Variants in TRPM3 observed in about 807,000 individuals in gnomAD.
TRPM3 encodes transient receptor potential cation channel subfamily M member 3.
A neutral mutation model predicts 181.2 loss-of-function variants in TRPM3; 77 were observed. That is an observed-to-expected ratio of 0.42 (90% CI 0.35 to 0.51). The LOEUF is 0.51. Among genes scored for constraint, TRPM3 ranks in the 20% least tolerant of loss-of-function variants. The pLI is 0.01. For missense variants in TRPM3, 1,759 were observed against 2,196.7 expected (o/e 0.80, Z 3.98); for synonymous variants, 745 against 796.4 (o/e 0.94, Z 1.09).
At chr9:70,617,293 T>C (rs1589366709) in intron 17 of TRPM3, among the ~76,000 whole-genome samples, 1 of 151,974 alleles carries the variant, frequency 6.6e-6, no homozygotes, top group East Asian at 1.9e-4. Flanking sequence ...GGCTATGGAG[T>C]GCCCATGACC....
intron 1 of TRPM3, among the ~76,000 whole-genome samples, chr9:71,321,077 C>T (rs929589397): frequency 1.3e-5 from 2 of 152,090 alleles, no homozygotes; most frequent in African/African-American, 4.8e-5. Context: ...CCATCATGGA[C>T]AATTTAAGCA....
chr9:71,347,938 T>C (rs2091387893), intron 1 of TRPM3, among the ~76,000 whole-genome samples: 1 of 152,164 alleles, frequency 6.6e-6, no homozygotes, highest in Admixed American at 6.5e-5. Context: ...TAGGGCTGAT[T>C]GATTTGCACT....
chr9:71,102,770 G>A (rs564992364), intron 1 of TRPM3, among the ~76,000 whole-genome samples: 1 of 152,070 alleles, frequency 6.6e-6, no homozygotes, highest in East Asian at 1.9e-4. Flanking sequence ...AAAGCAATAT[G>A]ATTAATTATT....
chr9:70,616,683 A>C (rs960076982), intron 17 of TRPM3, among the ~76,000 whole-genome samples: 3 of 152,060 alleles, frequency 2.0e-5, no homozygotes, highest in Non-Finnish European at 4.4e-5. Flanking sequence ...AACAGCAGAA[A>C]CACAAACACA....
intron 18 of TRPM3, among the ~76,000 whole-genome samples, chr9:70,614,026 G>C (rs563130616): frequency 6.6e-6 from 1 of 152,096 alleles, no homozygotes; most frequent in Non-Finnish European, 1.5e-5. Context: ...GGACCAAATC[G>C]GCTGAGTGGC....
intron 6 of TRPM3, among the ~76,000 whole-genome samples, chr9:70,810,617 A>T (rs1588675415): frequency 2.6e-5 from 4 of 152,246 alleles, no homozygotes; most frequent in Admixed American, 2.6e-4. Flanking sequence ...GTGCTCAAAT[A>T]GTTGCTGAAT....
intron 1 of TRPM3, among the ~76,000 whole-genome samples, chr9:71,018,111 A>G (rs1271004703): frequency 6.6e-6 from 1 of 151,898 alleles, no homozygotes; most frequent in Non-Finnish European, 1.5e-5. Flanking sequence ...TGGAAGTTAA[A>G]AAGTGTTTCA....
intron 3 of TRPM3, among the ~76,000 whole-genome samples, chr9:70,852,819 T>TA (rs1189650725): frequency 1.3e-5 from 2 of 152,206 alleles, no homozygotes; most frequent in African/African-American, 2.4e-5. Context: ...AAGTCCTAGA[T>TA]AATGCAATCT....
chr9:71,146,646 T>G (rs2075423132), intron 1 of TRPM3, among the ~76,000 whole-genome samples: 1 of 152,184 alleles, frequency 6.6e-6, no homozygotes, highest in Non-Finnish European at 1.5e-5. Flanking sequence ...ACAACCATTC[T>G]GTCAGGTTGG....
At chr9:70,793,939 T>G (rs999692367) in intron 6 of TRPM3, among the ~76,000 whole-genome samples, 7 of 152,184 alleles carry the variant, frequency 4.6e-5, no homozygotes, top group African/African-American at 1.7e-4. Flanking sequence ...TGGGTACATT[T>G]AAGTAAGCTA....
At chr9:71,269,151 G>C (rs1295536102) in intron 1 of TRPM3, among the ~76,000 whole-genome samples, 2 of 152,148 alleles carry the variant, frequency 1.3e-5, no homozygotes, top group Non-Finnish European at 2.9e-5. Context: ...ACAATGTTTA[G>C]TACAATCATT....
chr9:71,240,274 G>A (rs2081587721), intron 1 of TRPM3, among the ~76,000 whole-genome samples: 1 of 152,082 alleles, frequency 6.6e-6, no homozygotes, highest in Admixed American at 6.5e-5. Context: ...TTGATTGTTA[G>A]GGAAATGTTA....
intron 1 of TRPM3, among the ~76,000 whole-genome samples, chr9:71,233,589 G>C (rs2081195458): frequency 6.6e-6 from 1 of 152,108 alleles, no homozygotes; most frequent in African/African-American, 2.4e-5. Flanking sequence ...GATGACTTTA[G>C]AAAAATAACC....
At chr9:70,982,141 TCA>T (rs2097370148) in intron 1 of TRPM3, among the ~76,000 whole-genome samples, 2 of 152,216 alleles carry the variant, frequency 1.3e-5, no homozygotes, top group Non-Finnish European at 2.9e-5. Context: ...CTTTTCCTTC[TCA>T]GTCTCAGCTG....
intron 1 of TRPM3, among the ~76,000 whole-genome samples, chr9:71,191,588 TC>T (rs1326705842): frequency 6.6e-6 from 1 of 151,812 alleles, no homozygotes; most frequent in Non-Finnish European, 1.5e-5. Flanking sequence ...ATGTCTGGAC[TC>T]CAGTGACAGC....
intron 25 of TRPM3, among the ~76,000 whole-genome samples, chr9:70,544,854 T>TA (rs372359986): frequency 1.3e-5 from 2 of 152,238 alleles, no homozygotes; most frequent in African/African-American, 4.8e-5. Flanking sequence ...TCAGTTCATG[T>TA]AAAAAAGCCC....
chr9:70,832,990 A>AATGT (rs1372714261), intron 5 of TRPM3, among the ~76,000 whole-genome samples: 1 of 152,212 alleles, frequency 6.6e-6, no homozygotes. Context: ...TCTCACAATA[A>AATGT]ATGTTCAAAA....
At chr9:71,005,432 A>G (rs1378017498) in intron 1 of TRPM3, among the ~76,000 whole-genome samples, 7 of 152,152 alleles carry the variant, frequency 4.6e-5, no homozygotes. Flanking sequence ...ATAGGCTCAT[A>G]GGTTAGCAAC....
chr9:70,750,440 T>C (rs1199156502), intron 8 of TRPM3, among the ~76,000 whole-genome samples: 1 of 152,128 alleles, frequency 6.6e-6, no homozygotes, highest in African/African-American at 2.4e-5. Context: ...AGCAAATAAG[T>C]TAACAAGTCA....
Sources: gnomAD v4.1 joint callset for allele counts (sites outside exome capture counted in the v4.1 genomes callset) on GRCh38, gnomAD v4.1.1 for gene constraint, MANE v1.5 for transcripts, NCBI Gene and HGNC (gene_info 2026-07-23, HGNC 2026-07-21) for gene names.